Variants in SEMA6A observed in about 807,000 individuals in gnomAD.
The protein encoded by SEMA6A is semaphorin 6A, also known as semaphorin-6A.
SEMA6A carries 25 observed loss-of-function variants against 96.8 expected under a neutral mutation model. That is an observed-to-expected ratio of 0.26 (90% CI 0.19 to 0.36). The LOEUF (loss-of-function observed/expected upper bound fraction) is 0.36. Ranked by LOEUF, SEMA6A falls within the 10% of genes least tolerant of loss-of-function variation. The probability of loss-of-function intolerance (pLI) is 1.00; values close to 1 mark genes in which losing one functional copy is unlikely to be tolerated. For missense variants in SEMA6A, 1,363 were observed against 1,323.1 expected (o/e 1.03, Z -0.47); for synonymous variants, 612 against 518.0 (o/e 1.18, Z -2.46).
At chr5:116,472,692 T>C (rs1427036637) in intron 17 of SEMA6A, 5 of 499,944 alleles carry the variant, frequency 1.0e-5, no homozygotes, top group African/African-American at 4.0e-5. Flanking sequence ...TAGGACTCAG[T>C]CTCCCACATC....
intron 1 of SEMA6A, among the ~76,000 whole-genome samples, chr5:116,558,350 T>C (rs530318844): frequency 1.3e-5 from 2 of 152,226 alleles, no homozygotes; most frequent in Non-Finnish European, 2.9e-5. Context: ...GTTTGTTACA[T>C]AGGTATATAT....
chr5:116,486,989 GA>G (rs761760951), intron 9 of SEMA6A, 23 bp from the exon 10 acceptor site: 1 of 1,563,792 alleles, frequency 6.4e-7, no homozygotes, highest in Non-Finnish European at 8.8e-7. Context: ...AACACATAGG[GA>G]AAATTAAATG....
chr5:116,538,183 G>GCAAAACAAAA (rs71923662), intron 1 of SEMA6A, among the ~76,000 whole-genome samples: 1 of 151,580 alleles, frequency 6.6e-6, no homozygotes, highest in Non-Finnish European at 1.5e-5. Context: ...CAAAAACAAA[G>GCAAAACAAAA]CAAAACAAAA....
chr5:116,508,492 C>A (rs961944031), intron 1 of SEMA6A, among the ~76,000 whole-genome samples: 1 of 152,162 alleles, frequency 6.6e-6, no homozygotes, highest in African/African-American at 2.4e-5. Context: ...CAGAGTACCA[C>A]GCAGGCTCAC....
intron 11 of SEMA6A, among the ~76,000 whole-genome samples, chr5:116,481,133 G>C (rs1756741372): frequency 6.6e-6 from 1 of 152,176 alleles, no homozygotes; most frequent in Non-Finnish European, 1.5e-5. Context: ...TGCTGCAAGA[G>C]GGACGAGGCA....
chr5:116,484,463 A>T (rs979788801), intron 10 of SEMA6A, among the ~76,000 whole-genome samples: 5 of 152,110 alleles, frequency 3.3e-5, no homozygotes, highest in African/African-American at 4.8e-5. Context: ...CACAAACAAC[A>T]TAGGGTCTTG....
intron 1 of SEMA6A, among the ~76,000 whole-genome samples, chr5:116,558,086 T>G (rs78289681): frequency 0.055 from 8,330 of 152,256 alleles, 241 homozygotes; most frequent in Non-Finnish European, 0.059. Flanking sequence ...TTCATAAAGG[T>G]TCTCTAGAAC....
chr5:116,514,020 G>C (rs1758548498), intron 1 of SEMA6A, among the ~76,000 whole-genome samples: 1 of 152,072 alleles, frequency 6.6e-6, no homozygotes, highest in South Asian at 2.1e-4. Flanking sequence ...TCTTTATCTA[G>C]TCTATCACTG....
chr5:116,536,036 A>T (rs1333245480), intron 1 of SEMA6A, among the ~76,000 whole-genome samples: 7 of 152,252 alleles, frequency 4.6e-5, no homozygotes. Flanking sequence ...CTTTTAGTTC[A>T]GCCAGTTCTT....
At chr5:116,572,613 G>A (rs929224260) in intron 1 of SEMA6A, among the ~76,000 whole-genome samples, 3 of 152,176 alleles carry the variant, frequency 2.0e-5, no homozygotes, top group Non-Finnish European at 2.9e-5. Context: ...CTGAGCCCCG[G>A]CCTGTGTCCA....
chr5:116,536,532 G>A (rs1394376036), intron 1 of SEMA6A: 1 of 152,108 alleles, frequency 6.6e-6, no homozygotes, highest in Admixed American at 6.6e-5. Flanking sequence ...AAAGAGGAAA[G>A]AACAAAATCC....
At chr5:116,533,454 G>A (rs980038293) in intron 1 of SEMA6A, among the ~76,000 whole-genome samples, 5 of 152,022 alleles carry the variant, frequency 3.3e-5, no homozygotes, top group Non-Finnish European at 5.9e-5. Context: ...TAGAATACTT[G>A]GGGGAAGGGG....
At chr5:116,514,472 GT>G (rs1177310321) in intron 1 of SEMA6A, among the ~76,000 whole-genome samples, 1 of 151,900 alleles carries the variant, frequency 6.6e-6, no homozygotes, top group South Asian at 2.1e-4. Context: ...GGGGTTGTTT[GT>G]TTTTTTCTTG....
In SEMA6A at chr5:116,447,195, C is replaced by T. The variant is rs375544490; in HGVS notation, c.2511G>A (p.Glu837=). The change falls in exon 19 of 19, where the codon GAG becomes GAA. Residue 837 remains glutamate (E), a synonymous_variant. Coordinates refer to ENST00000343348, the MANE Select transcript of SEMA6A (RefSeq NM_020796.5). The part of the protein sequence containing the change: ...HEYVDQPKMS[E]VAQMALEDQA... ...GGTCCTCCAGCGCCATCTGGGCCAC[C>T]TCGCTCATTTTGGGCTGGTCCACGT... 2 of 1,613,938 alleles carry T rather than the reference C, an allele frequency of 1.2e-6. No individual in the cohort carries two copies. The highest frequency in any genetic ancestry group is 2.7e-5 in the African/African-American group (2 of 74,946).
chr5:116,482,438 A>G lies in SEMA6A; in HGVS notation c.1094+6T>C. ...TTAAAATAGCCATATGAATATTTGC[A>G]CATACCTGGGCTTAGGAACTCGTTC... On this transcript the variant is annotated splice_donor_region_variant and intron_variant, in intron 11 of 18. Transcript: ENST00000343348. 6.2e-7 allele frequency: 1 copy of G among 1,612,206 alleles called. No individual in the cohort carries two copies. The highest frequency in any genetic ancestry group is 8.5e-7 in the Non-Finnish European group (1 of 1,178,994).
At chr5:116,502,798 C>G (rs1298027021) in intron 2 of SEMA6A, 1 of 156,064 alleles carries the variant, frequency 6.4e-6, no homozygotes, top group East Asian at 1.9e-4. Flanking sequence ...GTCCAGGAGC[C>G]AGAAGAAAAA....
intron 10 of SEMA6A, among the ~76,000 whole-genome samples, chr5:116,484,284 G>A (rs984772634): frequency 6.6e-6 from 1 of 152,054 alleles, no homozygotes; most frequent in African/African-American, 2.4e-5. Flanking sequence ...ATATCCTAGG[G>A]TTTCGTAGTC....
intron 1 of SEMA6A, among the ~76,000 whole-genome samples, chr5:116,522,621 A>G (rs569082177): frequency 1.2e-4 from 18 of 152,380 alleles, no homozygotes; most frequent in African/African-American, 4.3e-4. Flanking sequence ...AAGGCAGGCC[A>G]CAGTGCAGTC....
chr5:116,539,611 G>A (rs1455865286), intron 1 of SEMA6A, among the ~76,000 whole-genome samples: 1 of 151,722 alleles, frequency 6.6e-6, no homozygotes, highest in Non-Finnish European at 1.5e-5. Context: ...GTGTGTGTGT[G>A]TGTGTGTACT....
Sources: gnomAD v4.1 joint callset for allele counts (sites outside exome capture counted in the v4.1 genomes callset) on GRCh38, gnomAD v4.1.1 for gene constraint, MANE v1.5 for transcripts, NCBI Gene and HGNC (gene_info 2026-07-23, HGNC 2026-07-21) for gene names.